RPE: variants seen among roughly 807,000 people sequenced by gnomAD.
The protein encoded by RPE is ribulose-5-phosphate-3-epimerase.
In RPE, 16 loss-of-function variants were observed where a neutral mutation model predicts 24.6. That is an observed-to-expected ratio of 0.65 (90% confidence interval 0.44 to 0.99). RPE has a LOEUF of 0.99. Among genes scored for constraint, RPE ranks in the 50% least tolerant of loss-of-function variants. The probability of loss-of-function intolerance (pLI) is 0.00; values close to 1 mark genes in which losing one functional copy is unlikely to be tolerated. For missense variants in RPE, 240 were observed against 294.5 expected (o/e 0.81, Z 1.35); for synonymous variants, 93 against 98.4 (o/e 0.94, Z 0.33).
intron 1 of RPE, chr2:210,003,582 C>A: frequency 1.9e-6 from 1 of 525,912 alleles, no homozygotes; most frequent in Non-Finnish European, 3.1e-6. Context: ...AGCAGTAAGA[C>A]TCCCTCAAGA....
Position 210,019,621 on chromosome 2 carries a change from T to C in RPE, c.565-48T>C, listed in dbSNP as rs767057318. 6.9e-6 allele frequency: 11 copies of C among 1,592,358 alleles called. No individual in the cohort carries two copies. The South Asian group carries it at 1.1e-4, about 16-fold the overall frequency. On this transcript the variant is annotated intron_variant, in intron 5 of 5. Transcript: ENST00000359429. ...TAGTCCAGGAATTCTGTTTTAGGTT[T>C]TTCTACATTTTCCTTTGAGGCATAA...
At chr2:210,011,412 T>G (rs2093697522) in intron 2 of RPE, among the ~76,000 whole-genome samples, 1 of 152,180 alleles carries the variant, frequency 6.6e-6, no homozygotes, top group East Asian at 1.9e-4. Flanking sequence ...TTGCTTTTTT[T>G]CCCCTTTTCG....
Position 210,017,617 on chromosome 2 carries a change from C to G in RPE, c.564+58C>G, listed in dbSNP as rs1000273422. On this transcript the variant is annotated intron_variant, in intron 5 of 5. Coordinates refer to ENST00000359429, the MANE Select transcript of RPE (RefSeq NM_199229.3). ...TTTCCCGTCAAATATGTCTCCAGGACATTGTCTCATGGGCCAGCGATTCCC... is the reference window on the plus strand; with the variant it reads ...TTTCCCGTCAAATATGTCTCCAGGAGATTGTCTCATGGGCCAGCGATTCCC... 2.7e-6 allele frequency: 4 copies of G among 1,488,830 alleles called. No homozygotes were observed. In the Admixed American group the frequency reaches 5.2e-5, roughly 19 times the overall value. The allele number at this position is 1,488,830 out of a possible 1,614,324, so 92.2% of individuals were successfully genotyped here. A position where few individuals can be genotyped will look rare whatever the true frequency, so the allele number is the denominator to read the frequency against.
intron 1 of RPE, among the ~76,000 whole-genome samples, chr2:210,004,208 A>C (rs1181933833): frequency 6.6e-6 from 1 of 152,176 alleles, no homozygotes; most frequent in Non-Finnish European, 1.5e-5. Context: ...TATTTGAGCA[A>C]TTTGGTTTTA....
chr2:210,018,285 C>A, intron 5 of RPE: 1 of 1,485,726 alleles, frequency 6.7e-7, no homozygotes. Flanking sequence ...TTCTTTAGAA[C>A]CTACATATTA....
In RPE at chr2:210,016,059, G is replaced by A; in HGVS notation, c.289G>A (p.Ala97Thr). ...CAATCAGTACACCTTTCATCTCGAG[G>A]CTACTGAGAACCCAGGGGCTTTGAT... Reference protein sequence around the residue: ...GANQYTFHLEATENPGALIKD... With the variant: ...GANQYTFHLETTENPGALIKD... Residue 97 changes from alanine to threonine, a missense_variant, in exon 3 of 6, where the codon GCT becomes ACT. By Grantham distance (58) the Ala-to-Thr change is moderately conservative. Transcript: ENST00000359429. 1.9e-6 allele frequency: 3 copies of A among 1,614,200 alleles called. No homozygotes were observed. In the South Asian group the frequency reaches 3.3e-5, roughly 18 times the overall value.
At chr2:210,005,327 C>A (rs1320284523) in intron 1 of RPE, among the ~76,000 whole-genome samples, 4 of 152,164 alleles carry the variant, frequency 2.6e-5, no homozygotes, top group South Asian at 2.1e-4. Context: ...GTCTCCTCCC[C>A]ACTAAGACCT....
chr2:210,017,967 A>G (rs2093801594), intron 5 of RPE: 1 of 598,180 alleles, frequency 1.7e-6, no homozygotes. Context: ...CTGGTCTCAA[A>G]CTCCTGACCT....
At position 210,016,782 on chromosome 2, in the gene RPE, T is replaced by C. The variant is rs1031624630; in HGVS notation, c.477+141T>C. 27 of 1,090,974 alleles carry C rather than the reference T, an allele frequency of 2.5e-5. No homozygotes were observed. In the Admixed American group the frequency reaches 6.5e-4, roughly 26 times the overall value. The allele number at this position is 1,090,974 out of a possible 1,614,324, so 67.6% of individuals were successfully genotyped here. A position where few individuals can be genotyped will look rare whatever the true frequency, so the allele number is the denominator to read the frequency against. On this transcript the variant is annotated intron_variant, in intron 4 of 5. Coordinates refer to ENST00000359429, the MANE Select transcript of RPE (RefSeq NM_199229.3). ...ATGCTTACAGATCATTCTAATACAG[T>C]ATAATAAATGCTGTAATAGATTTCT...
chr2:210,014,181 T>C (rs2093738495), intron 2 of RPE, among the ~76,000 whole-genome samples: 1 of 151,884 alleles, frequency 6.6e-6, no homozygotes, highest in African/African-American at 2.4e-5. Flanking sequence ...AAGCTCCGCC[T>C]CCTGGATTCA....
chr2:210,005,355 T>C lies in RPE; in HGVS notation c.122+2572T>C, dbSNP rs762949261. Reference sequence around the variant, plus strand: ...TAAGACCTCCAATTTCTCCCCTGATTACAACTGAATTTCTTCATTTAGAAA... The same window carrying C: ...TAAGACCTCCAATTTCTCCCCTGATCACAACTGAATTTCTTCATTTAGAAA... On this transcript the variant is annotated intron_variant, in intron 1 of 5. Transcript: ENST00000359429. Among the ~76,000 whole-genome samples the C allele has an allele frequency of 3.9e-5, 6 of 152,280 alleles. No homozygotes were observed. The South Asian group carries it at 1.0e-3, about 26-fold the overall frequency.
intron 5 of RPE, chr2:210,018,231 AG>A: frequency 6.5e-7 from 1 of 1,529,504 alleles, no homozygotes; most frequent in Non-Finnish European, 8.7e-7. Flanking sequence ...GGTACTACCA[AG>A]GGGGGAAAAT....
intron 2 of RPE, among the ~76,000 whole-genome samples, chr2:210,015,546 C>A (rs1327600712): frequency 6.6e-6 from 1 of 152,126 alleles, no homozygotes; most frequent in Non-Finnish European, 1.5e-5. Flanking sequence ...TGCTCTAACC[C>A]TAGGACCTAG....
At chr2:210,016,249 C>T in intron 3 of RPE, 137 bp downstream of exon 3, 1 of 1,613,874 alleles carries the variant, frequency 6.2e-7, no homozygotes, top group South Asian at 1.1e-5. Context: ...CAGTCAGGGC[C>T]CATTGCAGGT....
At chr2:210,017,582 A>T in intron 5 of RPE, 23 bp downstream of exon 5, 5 of 1,605,596 alleles carry the variant, frequency 3.1e-6, no homozygotes, top group Non-Finnish European at 4.3e-6. Context: ...TTCAACTATG[A>T]CTAGACCAAT....
In RPE at chr2:210,021,396, C is replaced by G. The variant is rs754706434; in HGVS notation, c.*1605C>G. On this transcript the variant is annotated 3_prime_UTR_variant, in exon 6 of 6. Transcript: ENST00000359429. Reference sequence around the variant, plus strand: ...GGAAAGCTTTGTGCCATGAATACGTCGCATTTAATAACAAGCAACACACGG... The same window carrying G: ...GGAAAGCTTTGTGCCATGAATACGTGGCATTTAATAACAAGCAACACACGG... 1 of 152,438 alleles carries G rather than the reference C, an allele frequency of 6.6e-6. No individual in the cohort carries two copies. The highest frequency in any genetic ancestry group is 2.1e-4 in the South Asian group (1 of 4,820). The allele number at this position is 152,438 out of a possible 1,614,324, so 9.4% of individuals were successfully genotyped here.
rs371871753 is a variant in RPE at position 210,016,469 on chromosome 2, A to G, written c.343-38A>G. ...GCCACAATAATATAATACAGAAGTAATTGTAAATGTGATATAGCATATTTG... is the reference window on the plus strand; with the variant it reads ...GCCACAATAATATAATACAGAAGTAGTTGTAAATGTGATATAGCATATTTG... On this transcript the variant is annotated intron_variant, in intron 3 of 5. Transcript: ENST00000359429. 5.6e-6 allele frequency: 9 copies of G among 1,613,606 alleles called. No homozygotes were observed. In the African/African-American group the frequency reaches 1.1e-4, roughly 19 times the overall value.
intron 3 of RPE, 144 bp from the exon 4 acceptor site, chr2:210,016,363 C>T: frequency 1.3e-6 from 2 of 1,562,724 alleles, no homozygotes; most frequent in Non-Finnish European, 1.7e-6. Flanking sequence ...CTGAAAGCTA[C>T]TGCTTGTTGA....
Position 210,019,757 on chromosome 2 carries a change from C to G in RPE, c.653C>G (p.Ser218Ter). The G allele has an allele frequency of 6.2e-7, 1 of 1,613,152 alleles. No individual in the cohort carries two copies. Among genetic ancestry groups the G allele is most frequent in the South Asian group, 1.1e-5 (1 of 90,994 alleles). The change falls in exon 6 of 6, where the codon TCA becomes TGA. Residue 218 changes from serine (S) to a stop codon, truncating the protein, a stop_gained. Coordinates refer to ENST00000359429, the MANE Select transcript of RPE (RefSeq NM_199229.3). LOFTEE classifies it high-confidence loss of function. Reference sequence around the variant, plus strand: ...ATCAATCTATTAAGAAATGTTTGCTCAGAAGCTGCTCAGAAACGTTCTCTT... The same window carrying G: ...ATCAATCTATTAAGAAATGTTTGCTGAGAAGCTGCTCAGAAACGTTCTCTT... ...SVINLLRNVC[S>*]EAAQKRSLDR
Sources: allele counts gnomAD v4.1 joint callset (sites outside exome capture counted in the v4.1 genomes callset), GRCh38; gene constraint gnomAD v4.1.1; transcripts MANE v1.5; gene names NCBI Gene and HGNC (gene_info 2026-07-23, HGNC 2026-07-21).